ZNF385D: variants seen among roughly 807,000 people sequenced by gnomAD.
The protein encoded by ZNF385D is zinc finger protein 385D.
Under a neutral mutation model 35.8 loss-of-function variants are expected in ZNF385D, and 15 were observed. The observed-to-expected ratio is 0.42, with a 90% CI of 0.28 to 0.64. The LOEUF (loss-of-function observed/expected upper bound fraction) is 0.64. ZNF385D is among the 30% of genes least tolerant of loss of function. The pLI, the probability that ZNF385D is intolerant of heterozygous loss-of-function variation, is 0.23. For synonymous variants in ZNF385D, 212 were observed against 186.8 expected, an observed-to-expected ratio of 1.13 and a Z score of -1.10; for missense variants, 474 against 494.6, an observed-to-expected ratio of 0.96 and a Z score of 0.39.
intron 3 of ZNF385D, among the ~76,000 whole-genome samples, chr3:21,759,380 G>T (rs929289385): frequency 6.6e-6 from 1 of 150,472 alleles, no homozygotes; most frequent in African/African-American, 2.5e-5. Flanking sequence ...TTTCTCAAAA[G>T]ATCTTCAAGC....
At chr3:21,547,522 C>T (rs764912641) in intron 3 of ZNF385D, among the ~76,000 whole-genome samples, 2 of 152,174 alleles carry the variant, frequency 1.3e-5, no homozygotes, top group African/African-American at 2.4e-5. Context: ...CTCTGACTGC[C>T]GCTTCCCCAA....
At chr3:21,458,548 A>T (rs1049905964) in intron 4 of ZNF385D, among the ~76,000 whole-genome samples, 5 of 151,910 alleles carry the variant, frequency 3.3e-5, no homozygotes, top group Admixed American at 1.3e-4. Context: ...GGAGGGCTAA[A>T]TCTCTACCAA....
chr3:21,437,784 G>A (rs1019841023), intron 4 of ZNF385D, among the ~76,000 whole-genome samples: 10 of 143,634 alleles, frequency 7.0e-5, no homozygotes, highest in African/African-American at 2.6e-4. Flanking sequence ...TGCTCTATTT[G>A]CAAAGAGTTA....
At chr3:21,544,267 T>TA (rs1475109070) in intron 3 of ZNF385D, among the ~76,000 whole-genome samples, 1 of 152,188 alleles carries the variant, frequency 6.6e-6, no homozygotes, top group East Asian at 1.9e-4. Flanking sequence ...CCTGGGGACA[T>TA]ATGGAACTAA....
intron 3 of ZNF385D, among the ~76,000 whole-genome samples, chr3:21,779,086 G>C (rs2071398265): frequency 6.6e-6 from 1 of 151,928 alleles, no homozygotes; most frequent in African/African-American, 2.4e-5. Context: ...GCTGGAGGTG[G>C]CAAAAATCAA....
chr3:21,879,097 A>G (rs1698134964), intron 3 of ZNF385D, among the ~76,000 whole-genome samples: 1 of 152,020 alleles, frequency 6.6e-6, no homozygotes, highest in Admixed American at 6.6e-5. Flanking sequence ...ACACATCAAG[A>G]TAGAAACACT....
intron 3 of ZNF385D, among the ~76,000 whole-genome samples, chr3:21,845,285 T>C (rs1429696608): frequency 2.0e-5 from 3 of 151,950 alleles, no homozygotes; most frequent in Admixed American, 6.6e-5. Context: ...TGGAGGAAAC[T>C]GCATAAATGT....
chr3:21,750,297 C>A (rs1274144139), intron 1 of ZNF385D, among the ~76,000 whole-genome samples: 8 of 152,200 alleles, frequency 5.3e-5, no homozygotes, highest in African/African-American at 1.9e-4. Flanking sequence ...ACAAAACTGA[C>A]CTGCACAAAT....
At chr3:21,467,264 C>G (rs1703574994) in intron 4 of ZNF385D, among the ~76,000 whole-genome samples, 1 of 152,006 alleles carries the variant, frequency 6.6e-6, no homozygotes, top group Non-Finnish European at 1.5e-5. Flanking sequence ...ATGTAAAAAC[C>G]AAGACCATTT....
chr3:22,314,138 T>A (rs184396260), intron 2 of ZNF385D, among the ~76,000 whole-genome samples: 142 of 152,280 alleles, frequency 9.3e-4, no homozygotes, highest in Non-Finnish European at 1.8e-3. Context: ...TTTATTTCCA[T>A]AGGTTTTTGG....
intron 2 of ZNF385D, among the ~76,000 whole-genome samples, chr3:22,313,876 C>T (rs1703732470): frequency 6.6e-6 from 1 of 152,118 alleles, no homozygotes; most frequent in East Asian, 1.9e-4. Flanking sequence ...AAAAGATATC[C>T]TCAGGACCCT....
At chr3:21,799,058 G>A (rs961026371) in intron 3 of ZNF385D, among the ~76,000 whole-genome samples, 7 of 152,048 alleles carry the variant, frequency 4.6e-5, no homozygotes, top group African/African-American at 1.2e-4. Context: ...TATACAGTAC[G>A]TGACCTTTTG....
At chr3:22,313,292 T>G (rs1270288177) in intron 2 of ZNF385D, among the ~76,000 whole-genome samples, 1 of 151,346 alleles carries the variant, frequency 6.6e-6, no homozygotes, top group African/African-American at 2.4e-5. Context: ...GAGATATACC[T>G]AATGCTAAAT....
intron 2 of ZNF385D, among the ~76,000 whole-genome samples, chr3:22,214,429 G>T (rs1439830335): frequency 6.6e-6 from 1 of 152,072 alleles, no homozygotes; most frequent in Non-Finnish European, 1.5e-5. Flanking sequence ...CAGGATAACA[G>T]CAATGTTCAG....
At chr3:22,360,402 T>A (rs1406302538) in intron 2 of ZNF385D, among the ~76,000 whole-genome samples, 1 of 151,844 alleles carries the variant, frequency 6.6e-6, no homozygotes, top group Non-Finnish European at 1.5e-5. Context: ...ACTCATGAAG[T>A]CAGTGCCACA....
intron 3 of ZNF385D, among the ~76,000 whole-genome samples, chr3:21,781,322 G>A (rs1444829937): frequency 6.6e-6 from 1 of 152,054 alleles, no homozygotes; most frequent in Non-Finnish European, 1.5e-5. Context: ...TCTTGCCTAT[G>A]TAGGACCTTC....
chr3:22,139,045 C>A (rs533268437), intron 3 of ZNF385D, among the ~76,000 whole-genome samples: 3 of 152,280 alleles, frequency 2.0e-5, no homozygotes, highest in East Asian at 3.9e-4. Flanking sequence ...GACATTTATG[C>A]GGCCAACAGA....
chr3:22,154,057 G>A (rs1046188647), intron 3 of ZNF385D, among the ~76,000 whole-genome samples: 1 of 151,996 alleles, frequency 6.6e-6, no homozygotes, highest in Non-Finnish European at 1.5e-5. Flanking sequence ...AAGGGTTTTT[G>A]GTATATGGAA....
chr3:22,314,414 T>A (rs1483262882), intron 2 of ZNF385D, among the ~76,000 whole-genome samples: 1 of 152,306 alleles, frequency 6.6e-6, no homozygotes, highest in East Asian at 1.9e-4. Context: ...AGAATAATAG[T>A]CTCCAATCCC....
Sources: gnomAD v4.1 joint callset for allele counts (sites outside exome capture counted in the v4.1 genomes callset) on GRCh38, gnomAD v4.1.1 for gene constraint, MANE v1.5 for transcripts, NCBI Gene and HGNC (gene_info 2026-07-23, HGNC 2026-07-21) for gene names.